The following ADGRA3 variants were observed in gnomAD, a reference collection of about 807,000 sequenced individuals.
ADGRA3 encodes G-protein coupled receptor 125.
Under a neutral mutation model 119.8 loss-of-function variants are expected in ADGRA3, and 56 were observed. The ratio of observed to expected loss-of-function variants is 0.47; its 90% CI spans 0.38 to 0.58. The LOEUF is 0.58. Among genes scored for constraint, ADGRA3 ranks in the 20% least tolerant of loss-of-function variants. The pLI is 0.00. For synonymous variants in ADGRA3, 607 were observed against 623.8 expected (o/e 0.97, Z 0.40); for missense variants, 1,516 against 1,649.0 (o/e 0.92, Z 1.40).
chr4:22,459,391 G>T (rs1165412893), intron 3 of ADGRA3, among the ~76,000 whole-genome samples: 1 of 151,770 alleles, frequency 6.6e-6, no homozygotes, highest in African/African-American at 2.4e-5. Context: ...CCTGGGTGAT[G>T]AAATAATCTG....
Position 22,387,745 on chromosome 4 carries a change from TTG to T in ADGRA3, c.3924_3925del (p.Asn1309CysfsTer2). On this transcript the variant is annotated frameshift_variant, in exon 19 of 19. Coordinates refer to ENST00000334304, the MANE Select transcript of ADGRA3 (RefSeq NM_145290.4). LOFTEE classifies it high-confidence loss of function. ...GTGTTTCCATAATCCAGTCCTAACA[TTG>T]CCAGTGCTATCGGTACCGAGCAAGG... The T allele has an allele frequency of 6.2e-7, 1 of 1,613,492 alleles. No individual in the cohort carries two copies. The highest frequency in any genetic ancestry group is 8.5e-7 in the Non-Finnish European group (1 of 1,179,648).
At chr4:22,433,831 C>G (rs1293662154) in intron 10 of ADGRA3, among the ~76,000 whole-genome samples, 1 of 152,236 alleles carries the variant, frequency 6.6e-6, no homozygotes, top group Non-Finnish European at 1.5e-5. Flanking sequence ...AGAACCCAAA[C>G]GGCCTCTCCC....
chr4:22,433,546 C>A (rs574272964), intron 10 of ADGRA3, among the ~76,000 whole-genome samples: 26 of 152,204 alleles, frequency 1.7e-4, no homozygotes, highest in African/African-American at 6.3e-4. Flanking sequence ...ACCTAAGAAC[C>A]CGTCAACGCA....
intron 16 of ADGRA3, among the ~76,000 whole-genome samples, chr4:22,399,324 T>C (rs1039359634): frequency 1.3e-5 from 2 of 152,344 alleles, no homozygotes; most frequent in East Asian, 3.9e-4. Flanking sequence ...TCAGCTTCTT[T>C]AAGGGCTCTT....
At chr4:22,461,861 C>T in intron 2 of ADGRA3, 53 bp from the exon 3 acceptor site, 1 of 1,158,542 alleles carries the variant, frequency 8.6e-7, no homozygotes, top group African/African-American at 1.5e-5. Flanking sequence ...AACAAGTATT[C>T]AGGCACAATA....
In ADGRA3 at chr4:22,401,524, G is replaced by A; in HGVS notation, c.2388C>T (p.His796=). ...SLIRISLKSW[H]MLVNLCFHIF... ...TATGAAAGCACAAGTTCACAAGCAT[G>A]TGCCAGCTCTTGAGGCTGATTCTAA... The change falls in exon 16 of 19, where the codon CAC becomes CAT. Residue 796 remains histidine (H), a synonymous_variant. Transcript: ENST00000334304. 1 of 1,608,968 alleles carries A rather than the reference G, an allele frequency of 6.2e-7. No individual in the cohort carries two copies. Among genetic ancestry groups the A allele is most frequent in the Non-Finnish European group, 8.5e-7 (1 of 1,176,840 alleles).
chr4:22,502,894 A>G (rs1457107730), intron 1 of ADGRA3, among the ~76,000 whole-genome samples: 2 of 3,838 alleles, frequency 5.2e-4, no homozygotes, highest in Middle Eastern at 0.1. Context: ...TACTTAAGGG[A>G]AAAAAAAAAA....
In ADGRA3 at chr4:22,515,827, C is replaced by A; in HGVS notation, c.-43G>T. ...GCGGGGCGAGCGGCGGCGCACTGGC[C>A]TAGCGGGCCGCCCCGGAGCCCGGGC... On this transcript the variant is annotated 5_prime_UTR_variant, in exon 1 of 19. In the 5' UTR this introduces an upstream ATG that the reference lacks. Transcript: ENST00000334304. 1 of 983,538 alleles carries A rather than the reference C, an allele frequency of 1.0e-6. No homozygotes were observed. Among genetic ancestry groups the A allele is most frequent in the South Asian group, 4.6e-5 (1 of 21,676 alleles). 60.9% of individuals were successfully genotyped at this position (983,538 alleles called of 1,614,324 possible). A position where few individuals can be genotyped will look rare whatever the true frequency, so the allele number is the denominator to read the frequency against.
At chr4:22,437,811 T>C (rs1716455150) in intron 8 of ADGRA3, among the ~76,000 whole-genome samples, 1 of 152,112 alleles carries the variant, frequency 6.6e-6, no homozygotes. Flanking sequence ...ATTAGATAGG[T>C]GTTTCTTCTA....
At chr4:22,458,182 T>G (rs536090257) in intron 3 of ADGRA3, among the ~76,000 whole-genome samples, 3 of 152,162 alleles carry the variant, frequency 2.0e-5, no homozygotes, top group Non-Finnish European at 4.4e-5. Flanking sequence ...TCTTAGCCCC[T>G]ACACTTTTGC....
intron 10 of ADGRA3, among the ~76,000 whole-genome samples, chr4:22,430,443 T>C (rs1716116362): frequency 1.3e-5 from 2 of 152,154 alleles, no homozygotes; most frequent in Admixed American, 6.5e-5. Flanking sequence ...GTGACTCTTG[T>C]TTCATCTTAG....
chr4:22,425,107 ACTACCCAC>A (rs1387901227), intron 10 of ADGRA3, among the ~76,000 whole-genome samples: 1 of 150,678 alleles, frequency 6.6e-6, no homozygotes, highest in Non-Finnish European at 1.5e-5. Flanking sequence ...AGGCAGGCAT[ACTACCCAC>A]CTCTTTAGTC....
At chr4:22,401,705 A>C in intron 15 of ADGRA3, 151 bp from the exon 16 acceptor site, 1 of 240,094 alleles carries the variant, frequency 4.2e-6, no homozygotes, top group Non-Finnish European at 8.2e-6. Flanking sequence ...ACACACACAC[A>C]CATACACACA....
chr4:22,484,450 CA>C (rs1387134380), intron 1 of ADGRA3, among the ~76,000 whole-genome samples: 1 of 151,904 alleles, frequency 6.6e-6, no homozygotes, highest in Non-Finnish European at 1.5e-5. Flanking sequence ...ACTAAGAATA[CA>C]AAAATTATCC....
At position 22,401,385 on chromosome 4, in the gene ADGRA3, C is replaced by T. The variant is rs761747724; in HGVS notation, c.2481+46G>A. On this transcript the variant is annotated intron_variant, in intron 16 of 18. Coordinates refer to ENST00000334304, the MANE Select transcript of ADGRA3 (RefSeq NM_145290.4). Reference sequence around the variant, plus strand: ...TTTTTATAGTTAATGAAATTATCTTCTAATACCAGTAATTTTTTCCATTTC... The same window carrying T: ...TTTTTATAGTTAATGAAATTATCTTTTAATACCAGTAATTTTTTCCATTTC... The T allele has an allele frequency of 2.6e-6, 4 of 1,531,570 alleles. No individual in the cohort carries two copies. In the East Asian group the frequency reaches 9.3e-5, roughly 36 times the overall value. 94.9% of individuals were successfully genotyped at this position (1,531,570 alleles called of 1,614,324 possible).
chr4:22,453,391 A>G (rs1309408987), intron 4 of ADGRA3, among the ~76,000 whole-genome samples: 1 of 152,146 alleles, frequency 6.6e-6, no homozygotes, highest in African/African-American at 2.4e-5. Flanking sequence ...AAATCAGGCC[A>G]TATACCTTTC....
intron 1 of ADGRA3, among the ~76,000 whole-genome samples, chr4:22,479,376 T>C (rs141724916): frequency 0.083 from 12,552 of 151,496 alleles, 572 homozygotes; most frequent in Non-Finnish European, 0.092. Context: ...GGCAGGGGAA[T>C]GGCGTGAACC....
chr4:22,504,883 T>C (rs1425451874), intron 1 of ADGRA3, among the ~76,000 whole-genome samples: 1 of 152,116 alleles, frequency 6.6e-6, no homozygotes, highest in African/African-American at 2.4e-5. Flanking sequence ...GCCCCATCCC[T>C]GAACAATACA....
chr4:22,460,734 T>C (rs57133360), intron 3 of ADGRA3, among the ~76,000 whole-genome samples: 10,918 of 152,286 alleles, frequency 0.072, 599 homozygotes, highest in East Asian at 0.18. Flanking sequence ...TTAATCTGTC[T>C]TTTGTTAGAG....
Sources: gnomAD v4.1 joint callset for allele counts (sites outside exome capture counted in the v4.1 genomes callset) on GRCh38, gnomAD v4.1.1 for gene constraint, MANE v1.5 for transcripts, NCBI Gene and HGNC (gene_info 2026-07-23, HGNC 2026-07-21) for gene names.